The following GMDS variants were observed in gnomAD, a reference collection of about 807,000 sequenced individuals.
GMDS encodes GDP-mannose 4,6-dehydratase, also known as GDP-mannose 4,6 dehydratase.
A neutral mutation model predicts 49.9 loss-of-function variants in GMDS; 20 were observed. That is an observed-to-expected ratio of 0.40 (90% CI 0.28 to 0.58). The LOEUF is 0.58. GMDS is among the 20% of genes least tolerant of loss of function. The pLI is 0.42. For synonymous variants in GMDS, 177 were observed against 178.6 expected (o/e 0.99, Z 0.07); for missense variants, 362 against 481.4 (o/e 0.75, Z 2.32).
chr6:1,846,596 A>C (rs551842876), intron 7 of GMDS, among the ~76,000 whole-genome samples: 2 of 152,334 alleles, frequency 1.3e-5, no homozygotes, highest in African/African-American at 4.8e-5. Context: ...GGGAACATGG[A>C]AAGAGAAGCT....
intron 7 of GMDS, among the ~76,000 whole-genome samples, chr6:1,796,242 G>C (rs965591129): frequency 2.0e-5 from 3 of 152,078 alleles, no homozygotes; most frequent in Admixed American, 2.0e-4. Context: ...GGGATCTGTA[G>C]TCATTAAATC....
chr6:2,081,676 G>A (rs1036587455), intron 4 of GMDS, among the ~76,000 whole-genome samples: 1 of 152,114 alleles, frequency 6.6e-6, no homozygotes, highest in African/African-American at 2.4e-5. Context: ...CTACCACAGT[G>A]TACCGATTTG....
intron 7 of GMDS, among the ~76,000 whole-genome samples, chr6:1,743,562 G>A (rs1767367787): frequency 6.8e-6 from 1 of 146,650 alleles, no homozygotes; most frequent in Non-Finnish European, 1.5e-5. Flanking sequence ...AAAAAAAAAT[G>A]GATGTCTATA....
intron 7 of GMDS, among the ~76,000 whole-genome samples, chr6:1,743,520 A>G (rs5017128): frequency 0.39 from 52,182 of 132,616 alleles, 11,125 homozygotes; most frequent in East Asian, 0.62. Flanking sequence ...TCCAGCCTGG[A>G]CGACAGAACC....
intron 7 of GMDS, among the ~76,000 whole-genome samples, chr6:1,793,644 T>G (rs1294643420): frequency 6.6e-6 from 1 of 152,240 alleles, no homozygotes; most frequent in African/African-American, 2.4e-5. Flanking sequence ...CAGCTCATCT[T>G]CCTACTTTAA....
intron 7 of GMDS, among the ~76,000 whole-genome samples, chr6:1,865,587 C>A (rs950043944): frequency 6.6e-6 from 1 of 152,012 alleles, no homozygotes; most frequent in Admixed American, 6.5e-5. Context: ...TGCTCACTTC[C>A]CTACCAAACA....
chr6:1,897,388 C>T (rs891019863), intron 7 of GMDS, among the ~76,000 whole-genome samples: 9 of 152,172 alleles, frequency 5.9e-5, no homozygotes, highest in Admixed American at 5.2e-4. Context: ...GTTAGCATTT[C>T]AACATCTGAA....
intron 9 of GMDS, among the ~76,000 whole-genome samples, chr6:1,661,604 C>T (rs1380932292): frequency 2.0e-5 from 3 of 152,312 alleles, no homozygotes; most frequent in African/African-American, 7.2e-5. Context: ...ACTCCCCAGC[C>T]CTCGCCATCC....
chr6:2,098,341 A>G (rs1358130543), intron 4 of GMDS, among the ~76,000 whole-genome samples: 1 of 152,248 alleles, frequency 6.6e-6, no homozygotes, highest in East Asian at 1.9e-4. Context: ...TACAGGCGTA[A>G]GCCACCGCGC....
intron 4 of GMDS, among the ~76,000 whole-genome samples, chr6:2,041,388 C>T (rs1045409940): frequency 6.6e-6 from 1 of 152,088 alleles, no homozygotes; most frequent in Admixed American, 6.6e-5. Flanking sequence ...CACTAATGGA[C>T]CACAGGTAAT....
intron 4 of GMDS, among the ~76,000 whole-genome samples, chr6:2,093,457 C>T (rs1335217003): frequency 1.3e-5 from 2 of 151,942 alleles, no homozygotes; most frequent in Non-Finnish European, 2.9e-5. Flanking sequence ...AACTTAATCC[C>T]CTAAAAAACT....
intron 4 of GMDS, among the ~76,000 whole-genome samples, chr6:1,973,395 C>A (rs1764724944): frequency 1.3e-5 from 2 of 152,100 alleles, no homozygotes; most frequent in South Asian, 4.1e-4. Flanking sequence ...GCTCTGTTGG[C>A]AGAGAGTGAT....
intron 1 of GMDS, among the ~76,000 whole-genome samples, chr6:2,240,511 C>T (rs974802416): frequency 2.7e-5 from 4 of 148,598 alleles, no homozygotes; most frequent in Non-Finnish European, 5.9e-5. Context: ...AGCTAAGGCA[C>T]GAGAATCATT....
At chr6:1,752,008 G>A (rs190643960) in intron 7 of GMDS, among the ~76,000 whole-genome samples, 13 of 152,290 alleles carry the variant, frequency 8.5e-5, no homozygotes, top group Non-Finnish European at 1.3e-4. Context: ...TCGGCAGCAA[G>A]GGAACAAAAC....
chr6:1,916,374 G>A (rs550783129), intron 7 of GMDS, among the ~76,000 whole-genome samples: 13 of 152,032 alleles, frequency 8.6e-5, no homozygotes, highest in East Asian at 3.9e-4. Context: ...TGCCATTAGC[G>A]CAGATTCTCC....
intron 1 of GMDS, among the ~76,000 whole-genome samples, chr6:2,180,463 A>C (rs1778470768): frequency 6.6e-6 from 1 of 152,258 alleles, no homozygotes; most frequent in Non-Finnish European, 1.5e-5. Flanking sequence ...GTTAGCAAAC[A>C]TAAAAATTGG....
intron 8 of GMDS, among the ~76,000 whole-genome samples, chr6:1,742,079 G>A (rs1172453048): frequency 1.3e-5 from 2 of 151,368 alleles, no homozygotes; most frequent in South Asian, 2.1e-4. Context: ...GCACCACCAC[G>A]CCCAGCTAAT....
intron 4 of GMDS, among the ~76,000 whole-genome samples, chr6:2,092,680 T>C (rs1188580856): frequency 1.3e-5 from 2 of 152,204 alleles, no homozygotes; most frequent in African/African-American, 2.4e-5. Context: ...TAAGGACTTT[T>C]AGCAGTGAAC....
At chr6:2,105,181 CAAAAAAAAAA>C (rs530164439) in intron 4 of GMDS, among the ~76,000 whole-genome samples, 5 of 64,422 alleles carry the variant, frequency 7.8e-5, no homozygotes, top group Non-Finnish European at 1.6e-4. Context: ...GACTCCGTCT[CAAAAAAAAAA>C]AAAAAAAAAA....
Sources: allele counts gnomAD v4.1 joint callset (sites outside exome capture counted in the v4.1 genomes callset), GRCh38; gene constraint gnomAD v4.1.1; transcripts MANE v1.5; gene names NCBI Gene and HGNC (gene_info 2026-07-23, HGNC 2026-07-21).